Variants in CSMD1 observed in about 807,000 individuals in gnomAD.
CSMD1 encodes CUB and sushi domain-containing protein 1.
A neutral mutation model predicts 417.5 loss-of-function variants in CSMD1; 213 were observed. The observed-to-expected ratio is 0.51, with a 90% CI of 0.46 to 0.57. The LOEUF is 0.57. Among genes scored for constraint, CSMD1 ranks in the 20% least tolerant of loss-of-function variants. The probability of loss-of-function intolerance (pLI) is 0.00; values close to 1 mark genes in which losing one functional copy is unlikely to be tolerated. For missense variants in CSMD1, 6,923 were observed against 4,529.7 expected (o/e 1.53, Z -15.17); for synonymous variants, 2,862 against 1,736.8 (o/e 1.65, Z -16.11).
intron 23 of CSMD1, among the ~76,000 whole-genome samples, chr8:3,313,871 A>C (rs11995074): frequency 0.013 from 1,965 of 152,306 alleles, 42 homozygotes; most frequent in African/African-American, 0.045. Context: ...GAACCAACCC[A>C]AATGTCCAAC....
At chr8:3,180,685 G>C (rs910342374) in intron 37 of CSMD1, among the ~76,000 whole-genome samples, 1 of 152,102 alleles carries the variant, frequency 6.6e-6, no homozygotes, top group Non-Finnish European at 1.5e-5. Context: ...ACCCGGGCTG[G>C]TGTGCAGTGG....
chr8:3,489,598 C>T (rs1364176525), intron 11 of CSMD1, among the ~76,000 whole-genome samples: 7 of 152,184 alleles, frequency 4.6e-5, no homozygotes, highest in Non-Finnish European at 1.5e-5. Flanking sequence ...TTAAGCCTGA[C>T]ATTCTATAAA....
intron 3 of CSMD1, among the ~76,000 whole-genome samples, chr8:4,055,765 G>A (rs955851192): frequency 6.6e-6 from 1 of 152,054 alleles, no homozygotes. Context: ...ACTAGATACT[G>A]TATAAACAAA....
intron 3 of CSMD1, among the ~76,000 whole-genome samples, chr8:4,348,386 A>C (rs1800897126): frequency 6.6e-6 from 1 of 152,178 alleles, no homozygotes; most frequent in Non-Finnish European, 1.5e-5. Context: ...TGTTTAAAGA[A>C]CGTTGCAGGT....
intron 3 of CSMD1, among the ~76,000 whole-genome samples, chr8:4,387,274 C>G (rs144864020): frequency 2.2e-3 from 335 of 152,118 alleles, no homozygotes; most frequent in African/African-American, 7.7e-3. Context: ...TAGGAGCAGA[C>G]TTTTTAAATT....
At chr8:4,927,231 T>C (rs550348173) in intron 1 of CSMD1, among the ~76,000 whole-genome samples, 40 of 151,908 alleles carry the variant, frequency 2.6e-4, no homozygotes, top group Admixed American at 2.6e-3. Context: ...AATTTTTTTT[T>C]ATTTTTAGTA....
At chr8:4,973,547 T>C (rs758468031) in intron 1 of CSMD1, among the ~76,000 whole-genome samples, 4 of 152,200 alleles carry the variant, frequency 2.6e-5, no homozygotes, top group Admixed American at 6.5e-5. Context: ...TTCAGCTTAA[T>C]GTAGTAAAGA....
chr8:4,225,441 T>A (rs1007843954), intron 3 of CSMD1, among the ~76,000 whole-genome samples: 38 of 152,036 alleles, frequency 2.5e-4, no homozygotes, highest in African/African-American at 8.5e-4. Flanking sequence ...TTCTGATGAG[T>A]ATTTGTTTAG....
At chr8:3,724,752 G>A (rs531896229) in intron 6 of CSMD1, among the ~76,000 whole-genome samples, 2 of 152,268 alleles carry the variant, frequency 1.3e-5, no homozygotes, top group African/African-American at 2.4e-5. Context: ...ATTTTCTTCT[G>A]TTATGAGTGT....
intron 26 of CSMD1, among the ~76,000 whole-genome samples, chr8:3,279,385 C>G (rs1224292231): frequency 2.0e-5 from 3 of 152,148 alleles, no homozygotes; most frequent in East Asian, 3.9e-4. Flanking sequence ...TGCATGGGAG[C>G]TAGAACTGGA....
chr8:4,021,517 A>T (rs1030706232), intron 4 of CSMD1, among the ~76,000 whole-genome samples: 3 of 152,106 alleles, frequency 2.0e-5, no homozygotes, highest in African/African-American at 7.2e-5. Context: ...TCCTCAGTAG[A>T]GTGTGGATGC....
intron 3 of CSMD1, among the ~76,000 whole-genome samples, chr8:4,054,703 G>C (rs957574910): frequency 1.2e-4 from 19 of 152,106 alleles, no homozygotes; most frequent in African/African-American, 4.3e-4. Flanking sequence ...GAATTCCTGA[G>C]GGTGCCCAGA....
intron 1 of CSMD1, among the ~76,000 whole-genome samples, chr8:4,704,880 A>G (rs1366960769): frequency 6.6e-6 from 1 of 152,160 alleles, no homozygotes; most frequent in Admixed American, 6.6e-5. Flanking sequence ...CAAAAACCCT[A>G]TGGTAAAGAA....
At chr8:4,150,928 A>C (rs568359720) in intron 3 of CSMD1, among the ~76,000 whole-genome samples, 1 of 152,080 alleles carries the variant, frequency 6.6e-6, no homozygotes. Flanking sequence ...CCTGTGCTTT[A>C]ATTACAGTCT....
At chr8:3,960,303 T>C (rs188686464) in intron 5 of CSMD1, among the ~76,000 whole-genome samples, 83 of 152,338 alleles carry the variant, frequency 5.4e-4, no homozygotes, top group African/African-American at 1.9e-3. Context: ...AATGTTACTC[T>C]GCAAACCTTT....
intron 2 of CSMD1, among the ~76,000 whole-genome samples, chr8:4,488,765 C>T (rs1271893069): frequency 1.3e-5 from 2 of 152,002 alleles, no homozygotes; most frequent in African/African-American, 4.8e-5. Context: ...AGCTATGACC[C>T]GCGTCCTGCG....
At chr8:4,462,885 T>G (rs1239064932) in intron 2 of CSMD1, among the ~76,000 whole-genome samples, 1 of 152,020 alleles carries the variant, frequency 6.6e-6, no homozygotes, top group African/African-American at 2.4e-5. Context: ...TAGGAGTAAA[T>G]CTTTGTAACC....
chr8:3,244,936 G>A (rs530406388), intron 26 of CSMD1, among the ~76,000 whole-genome samples: 25 of 152,226 alleles, frequency 1.6e-4, no homozygotes, highest in African/African-American at 4.6e-4. Context: ...GACTCCCTTC[G>A]GGAACATGTG....
intron 12 of CSMD1, among the ~76,000 whole-genome samples, chr8:3,427,773 T>G (rs1813949066): frequency 6.6e-6 from 1 of 152,192 alleles, no homozygotes; most frequent in African/African-American, 2.4e-5. Flanking sequence ...CTTAATGAAA[T>G]TCAGAGAGGA....
Sources: gnomAD v4.1 joint callset for allele counts (sites outside exome capture counted in the v4.1 genomes callset) on GRCh38, gnomAD v4.1.1 for gene constraint, MANE v1.5 for transcripts, NCBI Gene and HGNC (gene_info 2026-07-23, HGNC 2026-07-21) for gene names.